GRIN3A: variants seen among roughly 807,000 people sequenced by gnomAD.
GRIN3A encodes the protein glutamate receptor ionotropic, NMDA 3A.
GRIN3A carries 47 observed loss-of-function variants against 92.4 expected under a neutral mutation model. That is an observed-to-expected ratio of 0.51 (90% CI 0.40 to 0.65). GRIN3A has a LOEUF of 0.65. Ranked by LOEUF, GRIN3A falls within the 30% of genes least tolerant of loss-of-function variation. GRIN3A has a pLI of 0.00. For synonymous variants in GRIN3A, 527 were observed against 540.6 expected (o/e 0.97, Z 0.35); for missense variants, 1,324 against 1,393.1 (o/e 0.95, Z 0.79).
At chr9:101,716,025 ATCC>A (rs1829941785) in intron 1 of GRIN3A, among the ~76,000 whole-genome samples, 1 of 152,212 alleles carries the variant, frequency 6.6e-6, no homozygotes, top group African/African-American at 2.4e-5. Context: ...CCCAGACTTT[ATCC>A]ACTTTTTCCA....
chr9:101,659,074 T>C (rs1829133925), intron 3 of GRIN3A, among the ~76,000 whole-genome samples: 1 of 151,876 alleles, frequency 6.6e-6, no homozygotes, highest in African/African-American at 2.4e-5. Context: ...AGGAGCCCTC[T>C]TGGGGGACTA....
chr9:101,724,043 C>T (rs1830049947), intron 1 of GRIN3A, among the ~76,000 whole-genome samples: 1 of 152,226 alleles, frequency 6.6e-6, no homozygotes, highest in Non-Finnish European at 1.5e-5. Context: ...AGGAGCCCAG[C>T]TGGCTTCACC....
At chr9:101,665,024 G>A (rs1829220474) in intron 3 of GRIN3A, among the ~76,000 whole-genome samples, 1 of 149,746 alleles carries the variant, frequency 6.7e-6, no homozygotes, top group South Asian at 2.1e-4. Context: ...TATTTTATAA[G>A]TGGTGTTTAG....
In GRIN3A at chr9:101,626,799, C is replaced by A. The variant is rs539829052; in HGVS notation, c.2498+1457G>T. 3.9e-5 allele frequency among the ~76,000 whole-genome samples: 6 copies of A among 152,338 alleles called. No individual in the cohort carries two copies. The East Asian group carries it at 1.2e-3, about 29-fold the overall frequency. On this transcript the variant is annotated intron_variant, in intron 4 of 8. Transcript: ENST00000361820. ...ACTAGTCTGAAGCAGCAGTTGGATT[C>A]CAGAGACCTGGTCCTAGTCCTGACT...
At chr9:101,623,488 C>T in intron 4 of GRIN3A, 55 bp from the exon 5 acceptor site, 1 of 1,252,582 alleles carries the variant, frequency 8.0e-7, no homozygotes, top group South Asian at 1.2e-5. Flanking sequence ...GGGAAGGAAG[C>T]ATGAAGGCTG....
chr9:101,708,937 C>G (rs1166114922), intron 1 of GRIN3A, among the ~76,000 whole-genome samples: 1 of 152,204 alleles, frequency 6.6e-6, no homozygotes, highest in Non-Finnish European at 1.5e-5. Context: ...AAGATTGAAT[C>G]TTTAACTCTT....
chr9:101,593,831 A>G (rs1467365903), intron 6 of GRIN3A: 1 of 152,714 alleles, frequency 6.5e-6, no homozygotes, highest in Non-Finnish European at 1.5e-5. Context: ...TCAAACATGC[A>G]CAGCGATTTC....
At chr9:101,727,688 A>G (rs1830096046) in intron 1 of GRIN3A, among the ~76,000 whole-genome samples, 1 of 151,992 alleles carries the variant, frequency 6.6e-6, no homozygotes, top group Non-Finnish European at 1.5e-5. Context: ...AGTAGAAGGC[A>G]GAAGAAGATC....
At chr9:101,685,812 A>G (rs184003204) in intron 2 of GRIN3A, among the ~76,000 whole-genome samples, 4 of 151,974 alleles carry the variant, frequency 2.6e-5, no homozygotes, top group Admixed American at 2.0e-4. Context: ...TCTACTACCA[A>G]TCTATCATCT....
At chr9:101,590,568 G>A (rs994286862) in intron 6 of GRIN3A, among the ~76,000 whole-genome samples, 1 of 151,898 alleles carries the variant, frequency 6.6e-6, no homozygotes, top group South Asian at 2.1e-4. Flanking sequence ...TTTTAGTAGA[G>A]ATGGGGTTTC....
intron 1 of GRIN3A, among the ~76,000 whole-genome samples, chr9:101,692,098 T>G (rs1040078178): frequency 6.6e-6 from 1 of 152,236 alleles, no homozygotes; most frequent in African/African-American, 2.4e-5. Flanking sequence ...AGTATTTTTC[T>G]TTGCTTTTGC....
chr9:101,646,267 T>A (rs547469133), intron 3 of GRIN3A, among the ~76,000 whole-genome samples: 3 of 151,850 alleles, frequency 2.0e-5, no homozygotes, highest in South Asian at 4.1e-4. Flanking sequence ...GAGATGGGGG[T>A]CTAGTTTTAT....
chr9:101,724,489 C>G (rs1055177141), intron 1 of GRIN3A, among the ~76,000 whole-genome samples: 1 of 152,160 alleles, frequency 6.6e-6, no homozygotes, highest in African/African-American at 2.4e-5. Context: ...TCGCGCCTCT[C>G]CCTCCGCACC....
At chr9:101,708,111 G>C (rs1426901926) in intron 1 of GRIN3A, among the ~76,000 whole-genome samples, 1 of 152,172 alleles carries the variant, frequency 6.6e-6, no homozygotes, top group Non-Finnish European at 1.5e-5. Context: ...CAATTTAGAT[G>C]AAGAGTGCAA....
chr9:101,629,363 C>T (rs1262934201), intron 3 of GRIN3A, among the ~76,000 whole-genome samples: 2 of 152,102 alleles, frequency 1.3e-5, no homozygotes, highest in African/African-American at 4.8e-5. Flanking sequence ...TACAGATTAT[C>T]TGCAGAAACA....
At chr9:101,718,505 A>T (rs1458905573) in intron 1 of GRIN3A, among the ~76,000 whole-genome samples, 1 of 152,220 alleles carries the variant, frequency 6.6e-6, no homozygotes, top group Non-Finnish European at 1.5e-5. Context: ...AGAATAAATG[A>T]GGAGAGGAGT....
intron 3 of GRIN3A, among the ~76,000 whole-genome samples, chr9:101,657,061 A>G (rs967131747): frequency 6.6e-6 from 1 of 151,942 alleles, no homozygotes; most frequent in Non-Finnish European, 1.5e-5. Flanking sequence ...TCTCTTTCAG[A>G]TAACGTTTGT....
chr9:101,712,346 G>T (rs945537050), intron 1 of GRIN3A, among the ~76,000 whole-genome samples: 1 of 152,150 alleles, frequency 6.6e-6, no homozygotes, highest in African/African-American at 2.4e-5. Context: ...ACCCAGAAGA[G>T]CCTTTTGAAC....
chr9:101,706,978 C>T (rs1388164571), intron 1 of GRIN3A, among the ~76,000 whole-genome samples: 1 of 152,162 alleles, frequency 6.6e-6, no homozygotes, highest in Admixed American at 6.5e-5. Flanking sequence ...AAACCACAAT[C>T]TTGTAATGAG....
Sources: allele counts gnomAD v4.1 joint callset (sites outside exome capture counted in the v4.1 genomes callset), GRCh38; gene constraint gnomAD v4.1.1; transcripts MANE v1.5; gene names NCBI Gene and HGNC (gene_info 2026-07-23, HGNC 2026-07-21).